INPP4B: variants seen among roughly 807,000 people sequenced by gnomAD.
INPP4B encodes the protein inositol polyphosphate 4-phosphatase type II.
A neutral mutation model predicts 122.5 loss-of-function variants in INPP4B; 55 were observed. The observed-to-expected ratio is 0.45, with a 90% CI of 0.36 to 0.56. The LOEUF is 0.56. INPP4B is among the 20% of genes least tolerant of loss of function. The pLI is 0.00. For synonymous variants in INPP4B, 403 were observed against 388.7 expected (o/e 1.04, Z -0.43); for missense variants, 1,000 against 1,097.7 (o/e 0.91, Z 1.26).
intron 1 of INPP4B, among the ~76,000 whole-genome samples, chr4:142,844,815 T>A (rs1281678658): frequency 6.6e-6 from 1 of 152,214 alleles, no homozygotes; most frequent in East Asian, 1.9e-4. Context: ...AAAGTCCTTT[T>A]TCAAGCAAGG....
Position 142,148,990 on chromosome 4 carries a change from G to T in INPP4B, c.1564-2994C>A, listed in dbSNP as rs554092628. On this transcript the variant is annotated intron_variant, in intron 17 of 25. Coordinates refer to ENST00000262992, the MANE Select transcript of INPP4B (RefSeq NM_001101669.3). ...GACACTCAGCAGCAGACCCTAAGCA[G>T]ACTCCTTCTATCCCTTGTCTGTTGG... Among the ~76,000 whole-genome samples the T allele has an allele frequency of 3.3e-5, 5 of 152,310 alleles. No homozygotes were observed. The East Asian group carries it at 7.7e-4, about 24-fold the overall frequency.
At chr4:142,076,495 T>C (rs1489031665) in intron 25 of INPP4B, among the ~76,000 whole-genome samples, 1 of 152,040 alleles carries the variant, frequency 6.6e-6, no homozygotes, top group Admixed American at 6.6e-5. Flanking sequence ...AAGGTGACTC[T>C]CTCTCTCAGC....
intron 9 of INPP4B, among the ~76,000 whole-genome samples, chr4:142,299,638 T>G (rs1760507677): frequency 6.6e-6 from 1 of 152,076 alleles, no homozygotes; most frequent in Non-Finnish European, 1.5e-5. Context: ...ATAACACTGT[T>G]CTGTTTTATA....
chr4:142,300,477 C>A (rs1353487701), intron 9 of INPP4B, among the ~76,000 whole-genome samples: 5 of 151,758 alleles, frequency 3.3e-5, no homozygotes, highest in African/African-American at 1.2e-4. Flanking sequence ...AACCAAAATG[C>A]CAAAAAATAA....
In INPP4B at chr4:142,839,649, T is replaced by C. The variant is rs1452002629; in HGVS notation, c.-254+6560A>G. On this transcript the variant is annotated intron_variant, in intron 1 of 25. Transcript: ENST00000262992. ...CTTTGTAAGTGTATTTCTTTTGATG[T>C]AACTTCTAAGGTTTGCTTCCAAAAA... Among the ~76,000 whole-genome samples, 7 of 152,216 alleles carry C rather than the reference T, an allele frequency of 4.6e-5. No homozygotes were observed. The East Asian group carries it at 1.3e-3, about 29-fold the overall frequency.
intron 2 of INPP4B, among the ~76,000 whole-genome samples, chr4:142,702,090 C>A (rs76493402): frequency 0.029 from 4,382 of 152,204 alleles, 80 homozygotes; most frequent in Non-Finnish European, 0.041. Context: ...AGCAGTCTTA[C>A]CAATACAAGG....
At chr4:142,623,041 T>C (rs1381171214) in intron 2 of INPP4B, among the ~76,000 whole-genome samples, 1 of 151,952 alleles carries the variant, frequency 6.6e-6, no homozygotes, top group African/African-American at 2.4e-5. Flanking sequence ...TCCCAGATTC[T>C]CCTACACTTC....
intron 1 of INPP4B, among the ~76,000 whole-genome samples, chr4:142,757,337 A>G (rs137903689): frequency 1.1e-4 from 17 of 152,252 alleles, no homozygotes; most frequent in African/African-American, 4.1e-4. Context: ...CTTGATGTAC[A>G]TTCTATGGGT....
intron 16 of INPP4B, among the ~76,000 whole-genome samples, chr4:142,163,394 G>T (rs148140586): frequency 6.6e-6 from 1 of 151,760 alleles, no homozygotes; most frequent in Non-Finnish European, 1.5e-5. Flanking sequence ...TCACCAGATC[G>T]ACTGTCAGGT....
intron 1 of INPP4B, among the ~76,000 whole-genome samples, chr4:142,774,743 T>C (rs1165029282): frequency 1.3e-5 from 2 of 152,068 alleles, no homozygotes; most frequent in African/African-American, 4.8e-5. Flanking sequence ...GAAACTGTTT[T>C]AGACTTACAG....
intron 2 of INPP4B, among the ~76,000 whole-genome samples, chr4:142,613,854 G>T (rs1053749268): frequency 6.6e-6 from 1 of 152,082 alleles, no homozygotes; most frequent in East Asian, 1.9e-4. Flanking sequence ...GATCTTCAAG[G>T]TTATTTGCAA....
chr4:142,433,259 T>C (rs1809718538), intron 3 of INPP4B, among the ~76,000 whole-genome samples: 1 of 152,174 alleles, frequency 6.6e-6, no homozygotes, highest in Non-Finnish European at 1.5e-5. Context: ...TACAGCAGTT[T>C]ATTTTCTGTG....
At chr4:142,824,560 C>T (rs1025198721) in intron 1 of INPP4B, among the ~76,000 whole-genome samples, 1 of 152,092 alleles carries the variant, frequency 6.6e-6, no homozygotes, top group African/African-American at 2.4e-5. Context: ...AGAGCTATGG[C>T]TTTTCTGGTA....
chr4:142,588,892 T>C (rs1736826154), intron 2 of INPP4B, among the ~76,000 whole-genome samples: 1 of 151,852 alleles, frequency 6.6e-6, no homozygotes, highest in Admixed American at 6.6e-5. Flanking sequence ...GTCAACGCAA[T>C]ACTGAAAAAG....
intron 2 of INPP4B, among the ~76,000 whole-genome samples, chr4:142,474,766 T>G (rs1819527779): frequency 6.6e-6 from 1 of 151,860 alleles, no homozygotes; most frequent in African/African-American, 2.4e-5. Flanking sequence ...TGGAGAAACA[T>G]CCAGATGGCT....
At chr4:142,398,939 T>C (rs1035804639) in intron 7 of INPP4B, among the ~76,000 whole-genome samples, 1 of 152,104 alleles carries the variant, frequency 6.6e-6, no homozygotes, top group Non-Finnish European at 1.5e-5. Context: ...TTTATTACTT[T>C]CAGAGCAAAA....
chr4:142,098,140 G>T (rs996858963), intron 23 of INPP4B, among the ~76,000 whole-genome samples: 2 of 152,044 alleles, frequency 1.3e-5, no homozygotes, highest in African/African-American at 4.8e-5. Flanking sequence ...ACCTATAAGG[G>T]GGAAGGCATT....
intron 12 of INPP4B, among the ~76,000 whole-genome samples, chr4:142,217,684 T>G (rs1847862370): frequency 6.6e-6 from 1 of 152,216 alleles, no homozygotes; most frequent in African/African-American, 2.4e-5. Context: ...CCCAGATATT[T>G]GGTCAACGGT....
intron 7 of INPP4B, among the ~76,000 whole-genome samples, chr4:142,332,848 A>T (rs920544105): frequency 3.9e-4 from 48 of 124,056 alleles, no homozygotes; most frequent in African/African-American, 1.5e-3. Context: ...ACTAAAAATT[A>T]AAAAAAAAAA....
Sources: allele counts gnomAD v4.1 joint callset (sites outside exome capture counted in the v4.1 genomes callset), GRCh38; gene constraint gnomAD v4.1.1; transcripts MANE v1.5; gene names NCBI Gene and HGNC (gene_info 2026-07-23, HGNC 2026-07-21).